Variants in SHISA9 observed in about 807,000 individuals in gnomAD.
SHISA9 encodes shisa family member 9, also known as protein shisa-9.
SHISA9 carries 13 observed loss-of-function variants against 38.0 expected under a neutral mutation model. That is an observed-to-expected ratio of 0.34 (90% CI 0.22 to 0.54). The LOEUF (loss-of-function observed/expected upper bound fraction) is 0.54, where lower values mean the gene tolerates loss of function less well. Among genes scored for constraint, SHISA9 ranks in the 20% least tolerant of loss-of-function variants. The probability of loss-of-function intolerance (pLI) is 0.91; values close to 1 mark genes in which losing one functional copy is unlikely to be tolerated. For missense variants in SHISA9, 538 were observed against 575.8 expected, an observed-to-expected ratio of 0.93 and a Z score of 0.67; for synonymous variants, 275 against 242.0, an observed-to-expected ratio of 1.14 and a Z score of -1.27.
At chr16:13,073,972 T>TG (rs2073550530) in intron 2 of SHISA9, among the ~76,000 whole-genome samples, 1 of 147,812 alleles carries the variant, frequency 6.8e-6, no homozygotes, top group Non-Finnish European at 1.5e-5. Context: ...TTTTTTTGTT[T>TG]TTTTTTTTTG....
chr16:12,978,769 A>G (rs2141820732), intron 2 of SHISA9, among the ~76,000 whole-genome samples: 1 of 152,318 alleles, frequency 6.6e-6, no homozygotes, highest in African/African-American at 2.4e-5. Context: ...TTGCAATGTA[A>G]CAGAACCGCT....
chr16:13,167,239 A>T lies in SHISA9; in HGVS notation c.692-36155A>T, dbSNP rs1044932394. The stretch of plus-strand genomic sequence containing the variant: ...AGGCATGCACCGCCACACCTGGCTA[A>T]TTTTGTATTTTTAGTAGAGATAGGG... On this transcript the variant is annotated intron_variant, in intron 2 of 4. Transcript: ENST00000558583. Among the ~76,000 whole-genome samples the T allele has an allele frequency of 4.6e-5, 7 of 151,692 alleles. No homozygotes were observed. The East Asian group carries it at 1.4e-3, about 30-fold the overall frequency.
At chr16:13,450,772 T>TTTGTTG in the SHISA9 span, among the ~76,000 whole-genome samples, 12 of 152,064 alleles carry the variant, frequency 7.9e-5, no homozygotes, top group East Asian at 1.7e-3. Flanking sequence ...GTGTTGTTGT[T>TTTGTTG]TTGTTGTTGT....
At chr16:13,177,212 C>G (rs2050738910) in intron 2 of SHISA9, among the ~76,000 whole-genome samples, 1 of 152,316 alleles carries the variant, frequency 6.6e-6, no homozygotes, top group East Asian at 1.9e-4. Flanking sequence ...TAGCAGCTCA[C>G]TTAATTGCTC....
At chr16:12,931,103 G>A (rs970799297) in intron 2 of SHISA9, among the ~76,000 whole-genome samples, 5 of 152,150 alleles carry the variant, frequency 3.3e-5, no homozygotes, top group Admixed American at 1.3e-4. Flanking sequence ...CGTCACGAAT[G>A]CTGGGAGCAT....
At chr16:13,436,771 T>TCC in the SHISA9 span, among the ~76,000 whole-genome samples, 1 of 151,946 alleles carries the variant, frequency 6.6e-6, no homozygotes, top group African/African-American at 2.4e-5. Flanking sequence ...AGAGATGTTA[T>TCC]CCCCCCAGGA....
rs143332726 is a variant in SHISA9, at chr16:13,129,612, C to T, written c.692-73782C>T. Among the ~76,000 whole-genome samples, 5 of 152,310 alleles carry T rather than the reference C, an allele frequency of 3.3e-5. No homozygotes were observed. The East Asian group carries it at 9.6e-4, about 29-fold the overall frequency. On this transcript the variant is annotated intron_variant, in intron 2 of 4. Transcript: ENST00000558583. ...GGAACCATTTTAGTAAAGATGCATA[C>T]ACCCTCTGCTACAGTACACAGGTAG...
chr16:13,368,218 T>C, the SHISA9 span, among the ~76,000 whole-genome samples: 2 of 152,152 alleles, frequency 1.3e-5, no homozygotes, highest in African/African-American at 4.8e-5. Context: ...AGGGATGATT[T>C]TGTAACCAGA....
At chr16:13,432,208 C>A in the SHISA9 span, among the ~76,000 whole-genome samples, 1 of 152,220 alleles carries the variant, frequency 6.6e-6, no homozygotes, top group Admixed American at 6.5e-5. Context: ...GGTAAGTCCA[C>A]CCTCATTCCT....
chr16:13,324,834 C>T, the SHISA9 span, among the ~76,000 whole-genome samples: 1 of 152,146 alleles, frequency 6.6e-6, no homozygotes, highest in South Asian at 2.1e-4. Context: ...CAGGCAAAGA[C>T]ATAAATCAAT....
At chr16:12,968,708 T>C (rs1277130921) in intron 2 of SHISA9, among the ~76,000 whole-genome samples, 1 of 152,234 alleles carries the variant, frequency 6.6e-6, no homozygotes, top group Non-Finnish European at 1.5e-5. Flanking sequence ...AAAGGTCATC[T>C]GCAAACTTTC....
At chr16:12,962,141 T>G (rs2071919892) in intron 2 of SHISA9, among the ~76,000 whole-genome samples, 1 of 152,236 alleles carries the variant, frequency 6.6e-6, no homozygotes, top group Non-Finnish European at 1.5e-5. Flanking sequence ...GTCCACTGCC[T>G]GGCCATCATG....
At chr16:12,996,328 C>T (rs772009242) in intron 2 of SHISA9, among the ~76,000 whole-genome samples, 9 of 152,034 alleles carry the variant, frequency 5.9e-5, no homozygotes, top group Non-Finnish European at 1.2e-4. Flanking sequence ...CAGTGCCAAG[C>T]CCATTTTCCC....
chr16:12,994,231 G>C (rs896397018), intron 2 of SHISA9, among the ~76,000 whole-genome samples: 1 of 152,256 alleles, frequency 6.6e-6, no homozygotes, highest in Non-Finnish European at 1.5e-5. Context: ...TAGACATCCA[G>C]TTGAGAGATG....
intron 2 of SHISA9, among the ~76,000 whole-genome samples, chr16:13,014,888 T>C (rs1384238320): frequency 6.6e-6 from 1 of 152,250 alleles, no homozygotes; most frequent in African/African-American, 2.4e-5. Context: ...TTTCACCCAT[T>C]ATTTAGTTAT....
At chr16:13,402,406 G>A in the SHISA9 span, among the ~76,000 whole-genome samples, 2 of 152,148 alleles carry the variant, frequency 1.3e-5, no homozygotes, top group Non-Finnish European at 2.9e-5. Flanking sequence ...AGGACAAGAA[G>A]GACATTTCTG....
At chr16:13,398,424 G>A in the SHISA9 span, among the ~76,000 whole-genome samples, 2 of 152,000 alleles carry the variant, frequency 1.3e-5, no homozygotes, top group Non-Finnish European at 1.5e-5. Flanking sequence ...CTGTATATAG[G>A]AATTTGTTTA....
the SHISA9 span, among the ~76,000 whole-genome samples, chr16:13,411,363 A>G: frequency 6.6e-6 from 1 of 152,246 alleles, no homozygotes; most frequent in Non-Finnish European, 1.5e-5. Context: ...GGGCAGAGTA[A>G]TGAACTTCTC....
At chr16:13,181,292 TATATATATATATATATATATAC>T (rs1218818988) in intron 2 of SHISA9, among the ~76,000 whole-genome samples, 16 of 44,348 alleles carry the variant, frequency 3.6e-4, no homozygotes, top group East Asian at 7.6e-4. Context: ...TATATATATA[TATATATATATATATATATATAC>T]ACACACACAC....
Sources: allele counts gnomAD v4.1 joint callset (sites outside exome capture counted in the v4.1 genomes callset), GRCh38; gene constraint gnomAD v4.1.1; transcripts MANE v1.5; gene names NCBI Gene and HGNC (gene_info 2026-07-23, HGNC 2026-07-21).